Variants in WDR33 observed in about 807,000 individuals in gnomAD.
WDR33 encodes WD repeat domain 33, also known as pre-mRNA 3' end processing protein WDR33.
WDR33 carries 47 observed loss-of-function variants against 164.9 expected under a neutral mutation model. That is an observed-to-expected ratio of 0.29 (90% CI 0.23 to 0.36). The LOEUF (loss-of-function observed/expected upper bound fraction) is 0.36, where lower values mean the gene tolerates loss of function less well. Ranked by LOEUF, WDR33 falls within the 10% of genes least tolerant of loss-of-function variation. The pLI is 1.00. For synonymous variants in WDR33, 505 were observed against 589.0 expected, an observed-to-expected ratio of 0.86 and a Z score of 2.06; for missense variants, 1,137 against 1,754.1, an observed-to-expected ratio of 0.65 and a Z score of 6.28.
chr2:127,749,483 G>A (rs141066157), intron 7 of WDR33, among the ~76,000 whole-genome samples: 2,689 of 151,940 alleles, frequency 0.018, 82 homozygotes, highest in African/African-American at 0.06. Context: ...CCAACATGGT[G>A]AAACCCCGTC....
At chr2:127,728,274 T>C (rs1317098444) in intron 7 of WDR33, among the ~76,000 whole-genome samples, 1 of 152,202 alleles carries the variant, frequency 6.6e-6, no homozygotes, top group Non-Finnish European at 1.5e-5. Flanking sequence ...ACCCTATAGA[T>C]GATTTAATGG....
At position 127,738,677 on chromosome 2, in the gene WDR33, C is replaced by T. The variant is rs1047439562; in HGVS notation, c.725-11900G>A. 6.6e-6 allele frequency among the ~76,000 whole-genome samples: 1 copy of T among 152,052 alleles called. No homozygotes were observed. Among genetic ancestry groups the T allele is most frequent in the African/African-American group, 2.4e-5 (1 of 41,382 alleles). Reference sequence around the variant, plus strand: ...TCTTCCTCTCAAAAACCGACAATTCCCTGTCTAATCATGAGAGAAATAGTA... The same window carrying T: ...TCTTCCTCTCAAAAACCGACAATTCTCTGTCTAATCATGAGAGAAATAGTA... On this transcript the variant is annotated intron_variant, in intron 7 of 21. Transcript: ENST00000322313. This position sits in a 1 kb window ranked among gnomAD's most constrained non-coding sequence, Gnocchi z 4.4.
Position 127,735,452 on chromosome 2 carries a change from A to G in WDR33, c.725-8675T>C, listed in dbSNP as rs959320635. The G allele has an allele frequency of 8.1e-6, 8 of 985,392 alleles. No individual in the cohort carries two copies. The highest frequency in any genetic ancestry group is 9.6e-6 in the Non-Finnish European group (8 of 829,502). 61.0% of individuals were successfully genotyped at this position (985,392 alleles called of 1,614,324 possible). Reference sequence around the variant, plus strand: ...CATGTTCCCATTTTATTTTTCCTGGATCAGACCATTTTATGAACAAATCTT... The same window carrying G: ...CATGTTCCCATTTTATTTTTCCTGGGTCAGACCATTTTATGAACAAATCTT... On this transcript the variant is annotated intron_variant, in intron 7 of 21. Coordinates refer to ENST00000322313, the MANE Select transcript of WDR33 (RefSeq NM_018383.5). This position sits in a 1 kb window ranked among gnomAD's most constrained non-coding sequence, Gnocchi z 4.3.
chr2:127,802,527 C>T (rs940600612), intron 1 of WDR33, among the ~76,000 whole-genome samples: 5 of 152,084 alleles, frequency 3.3e-5, no homozygotes, highest in Non-Finnish European at 7.4e-5. Context: ...GGTGATCTGC[C>T]CCCCTCGGCC....
intron 1 of WDR33, among the ~76,000 whole-genome samples, chr2:127,772,744 T>C (rs1688050444): frequency 1.3e-5 from 2 of 152,200 alleles, no homozygotes; most frequent in East Asian, 1.9e-4. Flanking sequence ...TAAGACCTTA[T>C]AGTTTTTCAG....
chr2:127,763,870 T>C lies in WDR33; in HGVS notation c.627-711A>G. 1 of 985,598 alleles carries C rather than the reference T, an allele frequency of 1.0e-6. No homozygotes were observed. Among genetic ancestry groups the C allele is most frequent in the Non-Finnish European group, 1.2e-6 (1 of 830,086 alleles). The allele number at this position is 985,598 out of a possible 1,614,324, so 61.1% of individuals were successfully genotyped here. A position where few individuals can be genotyped will look rare whatever the true frequency, so the allele number is the denominator to read the frequency against. ...AACTCCCTTGAACTTTGGAATCCTA[T>C]GAAGGACCAGCTGTGTAAACTCAAT... is the stretch of plus-strand genomic sequence containing the variant. On this transcript the variant is annotated intron_variant, in intron 6 of 21. Coordinates refer to ENST00000322313, the MANE Select transcript of WDR33 (RefSeq NM_018383.5). The surrounding 1 kb of genome is among the most constrained non-coding windows in gnomAD (Gnocchi z 4.5).
chr2:127,774,433 T>C (rs1688115315), intron 1 of WDR33, among the ~76,000 whole-genome samples: 1 of 152,218 alleles, frequency 6.6e-6, no homozygotes, highest in Non-Finnish European at 1.5e-5. Flanking sequence ...GTATAGTTTC[T>C]ATTACTATAA....
intron 1 of WDR33, among the ~76,000 whole-genome samples, chr2:127,792,526 T>A (rs1688874145): frequency 7.1e-6 from 1 of 141,148 alleles, no homozygotes; most frequent in Non-Finnish European, 1.6e-5. Flanking sequence ...ATGGGCATGG[T>A]AGTGTGCAGT....
chr2:127,776,249 A>AGG, intron 1 of WDR33, among the ~76,000 whole-genome samples: 1 of 152,156 alleles, frequency 6.6e-6, no homozygotes. Context: ...CCAAGAGGAG[A>AGG]GGCTCTCCAG....
At chr2:127,782,877 C>A (rs936668064) in intron 1 of WDR33, among the ~76,000 whole-genome samples, 1 of 152,058 alleles carries the variant, frequency 6.6e-6, no homozygotes, top group Non-Finnish European at 1.5e-5. Flanking sequence ...GGTGTGGTGG[C>A]AGGCGCCTGT....
rs370505306 is a variant in WDR33 at position 127,713,821 on chromosome 2, G to A, written c.3070C>T (p.Arg1024Cys). Residue 1024 changes from arginine (R) to cysteine (C), a missense_variant, in exon 18 of 22, where the codon CGC (arginine) becomes TGC (cysteine). This residue lies in a region of WDR33 where 867 missense variants were observed against 1,073.0 expected (regional missense o/e 0.81). Transcript: ENST00000322313. The surrounding 1 kb of genome is among the most constrained non-coding windows in gnomAD (Gnocchi z 6.2). ...AATTCACGTAACCGGTGGCCAAAGC[G>A]CTTGTCAGGGTGGAAGTCATCTGGT... ...SRPDDFHPDK[R>C]FGHRLREFEG... is the part of the protein sequence containing the mutation. 1.0e-4 allele frequency: 169 copies of A among 1,614,124 alleles called. No homozygotes were observed. The highest frequency in any genetic ancestry group is 1.3e-4 in the Non-Finnish European group (158 of 1,180,050).
chr2:127,729,652 C>T (rs1309799724), intron 7 of WDR33, among the ~76,000 whole-genome samples: 3 of 152,070 alleles, frequency 2.0e-5, no homozygotes, highest in African/African-American at 7.2e-5. Flanking sequence ...CCCACCACCA[C>T]GCCCGGCTAA....
Position 127,770,931 on chromosome 2 carries a change from G to A in WDR33, c.51C>T (p.Phe17=). 6.2e-7 allele frequency: 1 copy of A among 1,614,114 alleles called. No individual in the cohort carries two copies. The highest frequency in any genetic ancestry group is 8.5e-7 in the Non-Finnish European group (1 of 1,180,012). Residue 17 remains phenylalanine (F), a synonymous_variant, in exon 2 of 22, where the codon TTC becomes TTT. Coordinates refer to ENST00000322313, the MANE Select transcript of WDR33 (RefSeq NM_018383.5). The surrounding 1 kb of genome is among the most constrained non-coding windows in gnomAD (Gnocchi z 4.9). The part of the protein sequence containing the change: ...SPPRFFHMPR[F]QHQAPRQLFY... Reference sequence around the variant, plus strand: ...ACAGCTGTCGAGGTGCCTGGTGCTGGAACCTTGGCATATGGAAAAAACGAG... The same window carrying A: ...ACAGCTGTCGAGGTGCCTGGTGCTGAAACCTTGGCATATGGAAAAAACGAG...
At chr2:127,808,179 AG>A (rs1392801551) in intron 1 of WDR33, among the ~76,000 whole-genome samples, 1 of 151,832 alleles carries the variant, frequency 6.6e-6, no homozygotes, top group Non-Finnish European at 1.5e-5. Flanking sequence ...CATCACAGAA[AG>A]AAAAAAAATG....
intron 1 of WDR33, among the ~76,000 whole-genome samples, chr2:127,802,753 A>AAG (rs1391251593): frequency 2.6e-5 from 4 of 152,064 alleles, no homozygotes; most frequent in Non-Finnish European, 5.9e-5. Flanking sequence ...CTGAGGAGGG[A>AAG]GGAACCGATG....
In WDR33 at chr2:127,716,740, A is replaced by C. The variant is rs1686312090; in HGVS notation, c.2869+415T>G. ...GGTGCACAACTACATAACCAGCTGA[A>C]GAGTTCAATGTGTGACAGGGTTTGG... On this transcript the variant is annotated intron_variant, in intron 17 of 21. Transcript: ENST00000322313. The surrounding 1 kb of genome is among the most constrained non-coding windows in gnomAD (Gnocchi z 4.5). Among the ~76,000 whole-genome samples, 1 of 152,250 alleles carries C rather than the reference A, an allele frequency of 6.6e-6. No individual in the cohort carries two copies. Among genetic ancestry groups the C allele is most frequent in the Non-Finnish European group, 1.5e-5 (1 of 68,048 alleles).
intron 18 of WDR33, among the ~76,000 whole-genome samples, chr2:127,711,774 A>ATTTTTTTTTTT (rs1382438028): frequency 2.5e-4 from 23 of 93,328 alleles, no homozygotes; most frequent in Non-Finnish European, 3.1e-4. Flanking sequence ...ATATATATAT[A>ATTTTTTTTTTT]TATATATTTT....
Position 127,701,809 on chromosome 2 carries a change from C to A in WDR33, c.*4514G>T, listed in dbSNP as rs930190269. 2.1e-6 allele frequency: 3 copies of A among 1,456,456 alleles called. No individual in the cohort carries two copies. The highest frequency in any genetic ancestry group is 1.5e-5 in the African/African-American group (1 of 67,660). 90.2% of individuals were successfully genotyped at this position (1,456,456 alleles called of 1,614,324 possible). A position where few individuals can be genotyped will look rare whatever the true frequency, so the allele number is the denominator to read the frequency against. On this transcript the variant is annotated 3_prime_UTR_variant, in exon 22 of 22. Coordinates refer to ENST00000322313, the MANE Select transcript of WDR33 (RefSeq NM_018383.5). ...CTGGCTGCACTGTGTTTCGGCCTAGCCGCGCTCTACGCACCGGTGTTGCTG... is the reference window on the plus strand; with the variant it reads ...CTGGCTGCACTGTGTTTCGGCCTAGACGCGCTCTACGCACCGGTGTTGCTG...
intron 1 of WDR33, among the ~76,000 whole-genome samples, chr2:127,804,265 G>T (rs887304987): frequency 6.6e-6 from 1 of 152,054 alleles, no homozygotes; most frequent in South Asian, 2.1e-4. Flanking sequence ...AGCTTGCAGT[G>T]AGCCAAGATC....
Sources: allele counts gnomAD v4.1 joint callset (sites outside exome capture counted in the v4.1 genomes callset), GRCh38; gene constraint gnomAD v4.1.1; regional missense constraint gnomAD v4.1.1; non-coding constraint Gnocchi (gnomAD v3.1); transcripts MANE v1.5; gene names NCBI Gene and HGNC (gene_info 2026-07-23, HGNC 2026-07-21).